The following CSMD1 variants were observed in gnomAD, a reference collection of about 807,000 sequenced individuals.
CSMD1 encodes CUB and Sushi multiple domains 1.
In CSMD1, 213 loss-of-function variants were observed where a neutral mutation model predicts 417.5. That is an observed-to-expected ratio of 0.51 (90% CI 0.46 to 0.57). The LOEUF is 0.57. CSMD1 is among the 20% of genes least tolerant of loss of function. CSMD1 has a pLI of 0.00. For synonymous variants in CSMD1, 2,862 were observed against 1,736.8 expected (o/e 1.65, Z -16.11); for missense variants, 6,923 against 4,529.7 (o/e 1.53, Z -15.17).
In CSMD1 at chr8:3,522,324, G is replaced by A. The variant is rs191877990; in HGVS notation, c.1345-28598C>T. On this transcript the variant is annotated intron_variant, in intron 10 of 69. Transcript: ENST00000635120. ...GTAAGAAAAAAGAGGAGAGGAAATT[G>A]TAAAGGATATCTTTTGACTTAACAT... Among the ~76,000 whole-genome samples the A allele has an allele frequency of 3.9e-3, 600 of 152,300 alleles. 2 individuals carry two copies. The highest frequency in any genetic ancestry group is 0.024 in the South Asian group (115 of 4,830).
At chr8:3,799,712 G>A (rs1418773769) in intron 5 of CSMD1, among the ~76,000 whole-genome samples, 3 of 151,832 alleles carry the variant, frequency 2.0e-5, no homozygotes, top group Non-Finnish European at 2.9e-5. Flanking sequence ...CCAGCTGAAC[G>A]TTTGACATTC....
rs1436254986 is a variant in CSMD1, at chr8:4,135,914, A to G, written c.416-103815T>C. 2.0e-5 allele frequency among the ~76,000 whole-genome samples: 3 copies of G among 152,302 alleles called. No homozygotes were observed. The East Asian group carries it at 5.8e-4, about 29-fold the overall frequency. ...TGATTTGGGATGTTTTATTTAGCAT[A>G]TGTTAGTTTTCCCTGGATTGGGCTT... On this transcript the variant is annotated intron_variant, in intron 3 of 69. Coordinates refer to ENST00000635120, the MANE Select transcript of CSMD1 (RefSeq NM_033225.6).
chr8:3,205,650 G>T (rs1410773431), intron 30 of CSMD1, 30 bp from the exon 31 acceptor site: 2 of 1,135,364 alleles, frequency 1.8e-6, no homozygotes. Flanking sequence ...AGAATTAGTC[G>T]CTGTGCAATA....
At chr8:3,122,885 G>C (rs1194612300) in intron 41 of CSMD1, among the ~76,000 whole-genome samples, 2 of 152,128 alleles carry the variant, frequency 1.3e-5, no homozygotes, top group African/African-American at 4.8e-5. Context: ...ATATACAATA[G>C]TGTTTCTCAG....
intron 2 of CSMD1, among the ~76,000 whole-genome samples, chr8:4,576,474 T>C (rs1002184909): frequency 6.6e-6 from 1 of 152,216 alleles, no homozygotes; most frequent in Admixed American, 6.5e-5. Context: ...CTGGAAGGTA[T>C]ATATTTTTTC....
chr8:4,723,215 A>G (rs763557035), intron 1 of CSMD1, among the ~76,000 whole-genome samples: 1 of 152,170 alleles, frequency 6.6e-6, no homozygotes, highest in Non-Finnish European at 1.5e-5. Flanking sequence ...AGTATAACGT[A>G]GACGGCTCCT....
chr8:4,760,207 A>G (rs763235526), intron 1 of CSMD1, among the ~76,000 whole-genome samples: 1 of 152,234 alleles, frequency 6.6e-6, no homozygotes, highest in Admixed American at 6.5e-5. Flanking sequence ...TAATAAATCT[A>G]TGTAATTATC....
chr8:4,784,536 G>A (rs1289637996), intron 1 of CSMD1, among the ~76,000 whole-genome samples: 3 of 152,142 alleles, frequency 2.0e-5, no homozygotes, highest in Non-Finnish European at 4.4e-5. Flanking sequence ...ACCCTTTAGT[G>A]TTTTAAGATT....
intron 5 of CSMD1, among the ~76,000 whole-genome samples, chr8:3,907,952 GT>G (rs1446825207): frequency 6.6e-6 from 1 of 152,074 alleles, no homozygotes; most frequent in Non-Finnish European, 1.5e-5. Flanking sequence ...TTTGGGGGGT[GT>G]GGGGAGAGTG....
chr8:4,133,261 G>C (rs1229379142), intron 3 of CSMD1, among the ~76,000 whole-genome samples: 1 of 152,062 alleles, frequency 6.6e-6, no homozygotes, highest in African/African-American at 2.4e-5. Flanking sequence ...ATATTATTAA[G>C]CAAAGACTTC....
chr8:3,533,478 G>A (rs760332458), intron 10 of CSMD1, among the ~76,000 whole-genome samples: 1 of 152,152 alleles, frequency 6.6e-6, no homozygotes, highest in Non-Finnish European at 1.5e-5. Flanking sequence ...GTGGAATCAT[G>A]AAGTATTTGT....
At chr8:4,229,435 T>C (rs1236579516) in intron 3 of CSMD1, among the ~76,000 whole-genome samples, 1 of 152,216 alleles carries the variant, frequency 6.6e-6, no homozygotes, top group East Asian at 1.9e-4. Flanking sequence ...TCATTATCTT[T>C]TCAACAACCT....
chr8:4,120,483 G>A (rs972297585), intron 3 of CSMD1, among the ~76,000 whole-genome samples: 2 of 152,134 alleles, frequency 1.3e-5, no homozygotes, highest in Non-Finnish European at 1.5e-5. Flanking sequence ...ACAAATGCTA[G>A]AAGAAGAACC....
rs144860465 is a variant in CSMD1 at position 4,356,455 on chromosome 8, G to A, written c.415+63498C>T. ...ACATGCATGTACAAGTATCCTTTTC[G>A]TGTAATGACTTCTTTTCCTCTGAGT... is the stretch of plus-strand genomic sequence containing the variant. On this transcript the variant is annotated intron_variant, in intron 3 of 69. Coordinates refer to ENST00000635120, the MANE Select transcript of CSMD1 (RefSeq NM_033225.6). Among the ~76,000 whole-genome samples the A allele has an allele frequency of 1.0e-3, 154 of 152,162 alleles. 3 individuals are homozygous for A. In the East Asian group the frequency reaches 0.029, roughly 29 times the overall value.
At chr8:4,711,203 G>A (rs751264952) in intron 1 of CSMD1, among the ~76,000 whole-genome samples, 8 of 150,998 alleles carry the variant, frequency 5.3e-5, no homozygotes, top group Non-Finnish European at 1.2e-4. Flanking sequence ...ACTTGGAAAG[G>A]CAAATTTGAA....
intron 2 of CSMD1, among the ~76,000 whole-genome samples, chr8:4,444,120 T>C (rs1418871524): frequency 6.6e-6 from 1 of 151,808 alleles, no homozygotes; most frequent in Non-Finnish European, 1.5e-5. Flanking sequence ...GGCAGGTCGA[T>C]CACTTCAGGT....
intron 41 of CSMD1, among the ~76,000 whole-genome samples, chr8:3,136,486 G>A (rs1239809464): frequency 6.6e-6 from 1 of 151,860 alleles, no homozygotes; most frequent in African/African-American, 2.4e-5. Context: ...GCTGATCTCC[G>A]ACTCCTGACT....
intron 5 of CSMD1, among the ~76,000 whole-genome samples, chr8:3,981,753 C>A (rs1459850327): frequency 6.6e-6 from 1 of 152,114 alleles, no homozygotes; most frequent in Non-Finnish European, 1.5e-5. Context: ...CTTGGAGACC[C>A]TGCCGTCCGA....
chr8:4,458,778 C>A (rs144948185), intron 2 of CSMD1, among the ~76,000 whole-genome samples: 1 of 151,958 alleles, frequency 6.6e-6, no homozygotes, highest in Non-Finnish European at 1.5e-5. Context: ...AATAAGATAA[C>A]GGTTAGGAAT....
Sources: gnomAD v4.1 joint callset for allele counts (sites outside exome capture counted in the v4.1 genomes callset) on GRCh38, gnomAD v4.1.1 for gene constraint, MANE v1.5 for transcripts, NCBI Gene and HGNC (gene_info 2026-07-23, HGNC 2026-07-21) for gene names.